ABCG2: variants seen among roughly 807,000 people sequenced by gnomAD.
ABCG2 encodes the protein broad substrate specificity ATP-binding cassette transporter ABCG2.
A neutral mutation model predicts 73.5 loss-of-function variants in ABCG2; 80 were observed. That is an observed-to-expected ratio of 1.09 (90% confidence interval 0.91 to 1.31). ABCG2 has a LOEUF of 1.31. Ranked by LOEUF, ABCG2 falls within the 50% of genes most tolerant of loss-of-function variation. ABCG2 has a pLI of 0.00. For missense variants in ABCG2, 796 were observed against 786.2 expected, an observed-to-expected ratio of 1.01 and a Z score of -0.15; for synonymous variants, 269 against 282.4, an observed-to-expected ratio of 0.95 and a Z score of 0.48.
At chr4:88,203,546 G>A (rs908911735) in intron 1 of ABCG2, among the ~76,000 whole-genome samples, 3 of 152,210 alleles carry the variant, frequency 2.0e-5, no homozygotes, top group South Asian at 4.1e-4. Context: ...CTGAGGCCAC[G>A]AGTTCGAGAC....
intron 1 of ABCG2, among the ~76,000 whole-genome samples, chr4:88,151,523 G>A (rs1189850346): frequency 2.6e-5 from 4 of 152,130 alleles, no homozygotes; most frequent in African/African-American, 9.7e-5. Context: ...TGGATCACGA[G>A]GTCAGGAGAT....
At chr4:88,158,762 G>C (rs1201100140), upstream of ABCG2, 9 of 370,970 alleles carry the variant, frequency 2.4e-5, no homozygotes, top group Non-Finnish European at 4.7e-5. Context: ...GCGGCGGCCG[G>C]CGTGGGAGGC....
chr4:88,139,227 T>C (rs1346777930), intron 2 of ABCG2, among the ~76,000 whole-genome samples: 2 of 151,816 alleles, frequency 1.3e-5, no homozygotes, highest in East Asian at 3.9e-4. Context: ...AAAGATAAAA[T>C]AAGCAAAATA....
At chr4:88,115,621 C>CA (rs34465562) in intron 7 of ABCG2, among the ~76,000 whole-genome samples, 18,162 of 107,730 alleles carry the variant, frequency 0.17, 1,371 homozygotes, top group Middle Eastern at 0.31. Context: ...GTCTCTGGGC[C>CA]AAAAAAAAAA....
At chr4:88,111,932 A>T (rs985235419) in intron 9 of ABCG2, among the ~76,000 whole-genome samples, 4 of 152,028 alleles carry the variant, frequency 2.6e-5, no homozygotes, top group African/African-American at 4.8e-5. Context: ...ACAAAAAATT[A>T]AAAAATCAGC....
rs574802967 is a variant in ABCG2, at chr4:88,158,493, C to G, written c.-127G>C. The G allele has an allele frequency of 1.3e-5, 6 of 456,170 alleles. No homozygotes were observed. The highest frequency in any genetic ancestry group is 2.2e-5 in the Non-Finnish European group (5 of 226,920). The allele number at this position is 456,170 out of a possible 1,614,324, so 28.3% of individuals were successfully genotyped here. Reference sequence around the variant, plus strand: ...GATGTAAATGTTGGGATGAGTCACCCGGACCTTCCAAACAAACTCTAAAGC... The same window carrying G: ...GATGTAAATGTTGGGATGAGTCACCGGGACCTTCCAAACAAACTCTAAAGC... On this transcript the variant is annotated 5_prime_UTR_variant, in exon 1 of 16. Transcript: ENST00000237612.
chr4:88,123,505 T>G (rs1028484938), intron 5 of ABCG2, among the ~76,000 whole-genome samples: 4 of 151,858 alleles, frequency 2.6e-5, no homozygotes, highest in African/African-American at 9.7e-5. Context: ...GCACAAGAAC[T>G]TCGTGAAGCA....
chr4:88,108,457 T>C (rs1722905682), intron 9 of ABCG2, among the ~76,000 whole-genome samples: 1 of 151,824 alleles, frequency 6.6e-6, no homozygotes, highest in African/African-American at 2.4e-5. Context: ...ACTTGAACCC[T>C]AGAGGTGGAG....
chr4:88,224,996 G>C (rs1260110255), intron 1 of ABCG2, among the ~76,000 whole-genome samples: 1 of 152,232 alleles, frequency 6.6e-6, no homozygotes, highest in Non-Finnish European at 1.5e-5. Context: ...ACTTGGCCGT[G>C]TGTGAGGGTT....
chr4:88,122,417 C>T (rs1724071339), intron 5 of ABCG2, among the ~76,000 whole-genome samples: 1 of 152,214 alleles, frequency 6.6e-6, no homozygotes, highest in Non-Finnish European at 1.5e-5. Context: ...CTAAGATCCA[C>T]TGGCTTGAAA....
chr4:88,109,001 A>AT (rs35911715), intron 9 of ABCG2, among the ~76,000 whole-genome samples: 57,637 of 140,932 alleles, frequency 0.41, 12,073 homozygotes, highest in Middle Eastern at 0.59. Flanking sequence ...TCAATTCAGG[A>AT]TTTTTTTTTT....
intron 1 of ABCG2, among the ~76,000 whole-genome samples, chr4:88,210,310 C>T (rs1729545577): frequency 6.6e-6 from 1 of 152,226 alleles, no homozygotes; most frequent in South Asian, 2.1e-4. Context: ...CCACCTCAGC[C>T]TCCAGTGGCT....
intron 1 of ABCG2, among the ~76,000 whole-genome samples, chr4:88,219,115 G>A (rs1033909883): frequency 2.0e-5 from 3 of 152,158 alleles, no homozygotes; most frequent in African/African-American, 4.8e-5. Context: ...CCACTATCAC[G>A]GCTAATACTG....
At chr4:88,142,641 G>A (rs1482535614) in intron 1 of ABCG2, among the ~76,000 whole-genome samples, 6 of 152,118 alleles carry the variant, frequency 3.9e-5, no homozygotes, top group South Asian at 4.2e-4. Context: ...TCAACCAGTC[G>A]CAAATCGAAA....
Position 88,132,559 on chromosome 4 carries a change from T to C in ABCG2, c.263+17A>G, listed in dbSNP as rs773004648. ...AAAGTGCACAGAAAACGCTTACTTA[T>C]ACTCTCTTATACTCACGAAGATTTG... On this transcript the variant is annotated intron_variant, in intron 3 of 15. Transcript: ENST00000237612. 2 of 1,613,844 alleles carry C rather than the reference T, an allele frequency of 1.2e-6. No individual in the cohort carries two copies. Among genetic ancestry groups the C allele is most frequent in the Non-Finnish European group, 1.7e-6 (2 of 1,179,800 alleles).
chr4:88,146,820 G>A (rs1054600047), intron 1 of ABCG2, among the ~76,000 whole-genome samples: 3 of 151,384 alleles, frequency 2.0e-5, no homozygotes, highest in African/African-American at 7.3e-5. Flanking sequence ...GCAGTGAATC[G>A]TGATTGTGCC....
At chr4:88,141,834 T>C (rs1725669760) in intron 1 of ABCG2, among the ~76,000 whole-genome samples, 1 of 152,076 alleles carries the variant, frequency 6.6e-6, no homozygotes, top group Non-Finnish European at 1.5e-5. Flanking sequence ...ACAAGTAATC[T>C]AGACTGGAGT....
chr4:88,158,741 G>T (rs1727131829), upstream of ABCG2: 1 of 405,348 alleles, frequency 2.5e-6, no homozygotes, highest in Non-Finnish European at 4.9e-6. Context: ...GCGCCCGAGC[G>T]CTCCCCTCGC....
chr4:88,097,919 T>C (rs1722097017), intron 12 of ABCG2, among the ~76,000 whole-genome samples: 1 of 152,196 alleles, frequency 6.6e-6, no homozygotes, highest in Non-Finnish European at 1.5e-5. Context: ...AACTCATCAA[T>C]AGCACATTCA....
Sources: allele counts gnomAD v4.1 joint callset (sites outside exome capture counted in the v4.1 genomes callset), GRCh38; gene constraint gnomAD v4.1.1; transcripts MANE v1.5; gene names NCBI Gene and HGNC (gene_info 2026-07-23, HGNC 2026-07-21).